Variants in GSE1 observed in about 807,000 individuals in gnomAD.
The protein encoded by GSE1 is Gse1 coiled-coil protein.
In GSE1, 32 loss-of-function variants were observed where a neutral mutation model predicts 112.6. The observed-to-expected ratio is 0.28, with a 90% CI of 0.21 to 0.38. The LOEUF (loss-of-function observed/expected upper bound fraction) is 0.38. Ranked by LOEUF, GSE1 falls within the 10% of genes least tolerant of loss-of-function variation. GSE1 has a pLI of 1.00. For synonymous variants in GSE1, 1,115 were observed against 735.6 expected (o/e 1.52, Z -8.35); for missense variants, 2,348 against 1,699.2 (o/e 1.38, Z -6.71).
upstream of GSE1, among the ~76,000 whole-genome samples, chr16:85,606,575 G>A (rs1236782041): frequency 3.3e-5 from 5 of 152,216 alleles, no homozygotes; most frequent in Non-Finnish European, 7.3e-5. Flanking sequence ...ACTGGGTCCT[G>A]GAGCTTCTGG....
Position 85,657,598 on chromosome 16 carries a change from C to A in GSE1, c.1634C>A (p.Thr545Asn). 1 of 1,517,996 alleles carries A rather than the reference C, an allele frequency of 6.6e-7. No individual in the cohort carries two copies. Among genetic ancestry groups the A allele is most frequent in the Non-Finnish European group, 8.8e-7 (1 of 1,133,770 alleles). The allele number at this position is 1,517,996 out of a possible 1,614,324, so 94.0% of individuals were successfully genotyped here. The stretch of plus-strand genomic sequence containing the variant: ...GAGGCAGAGCACAGGCCGGAGAGCA[C>A]CACCAGGTGAGTGAGCCCCAGGAAG... ...PAEAEHRPESTTRPGPNRHEP... is the reference protein window; with the variant it reads ...PAEAEHRPESNTRPGPNRHEP... The change falls in exon 8 of 16, where the codon ACC (threonine) becomes AAC (asparagine). Residue 545 changes from threonine to asparagine, a missense_variant. Coordinates refer to ENST00000253458, the MANE Select transcript of GSE1 (RefSeq NM_014615.5).
chr16:85,498,252 A>G (rs1409362454), intron 2 of GSE1, among the ~76,000 whole-genome samples: 3 of 152,170 alleles, frequency 2.0e-5, no homozygotes, highest in Non-Finnish European at 4.4e-5. Flanking sequence ...GGGTGTCCTC[A>G]GTGAGTCCCC....
At chr16:85,589,815 A>T (rs7189688) in intron 1 of GSE1, among the ~76,000 whole-genome samples, 4,811 of 144,974 alleles carry the variant, frequency 0.033, 246 homozygotes, top group African/African-American at 0.13. Flanking sequence ...TGTGAATGTG[A>T]GTGTGAATAT....
chr16:85,293,329 T>C (rs1333867343), intron 1 of GSE1, among the ~76,000 whole-genome samples: 2 of 152,120 alleles, frequency 1.3e-5, no homozygotes, highest in African/African-American at 4.8e-5. Flanking sequence ...GTGCATCACT[T>C]GAACTCAGGA....
intron 2 of GSE1, among the ~76,000 whole-genome samples, chr16:85,358,454 C>T (rs900964499): frequency 1.3e-5 from 2 of 152,190 alleles, no homozygotes; most frequent in Admixed American, 6.5e-5. Flanking sequence ...CCCCACAGCA[C>T]GGGAGACTTG....
At chr16:85,285,682 CAA>C (rs36070534) in intron 1 of GSE1, 1,277 of 69,796 alleles carry the variant, frequency 0.018, 8 homozygotes, top group Middle Eastern at 0.095. Context: ...AACTCTGTCT[CAA>C]AAAAAAAAAA....
At chr16:85,640,543 C>G (rs2050356129) in intron 2 of GSE1, among the ~76,000 whole-genome samples, 2 of 152,174 alleles carry the variant, frequency 1.3e-5, no homozygotes, top group South Asian at 4.1e-4. Flanking sequence ...CGGTTACTGT[C>G]CTGTCCCTGG....
intron 1 of GSE1, among the ~76,000 whole-genome samples, chr16:85,195,673 C>T (rs1466045006): frequency 1.3e-5 from 2 of 152,196 alleles, no homozygotes; most frequent in Non-Finnish European, 2.9e-5. Flanking sequence ...ATGACCACTG[C>T]AGCGTCTTGT....
chr16:85,641,266 C>T (rs2050422989), intron 2 of GSE1, among the ~76,000 whole-genome samples: 1 of 152,258 alleles, frequency 6.6e-6, no homozygotes, highest in Non-Finnish European at 1.5e-5. Flanking sequence ...CATCCGGCTC[C>T]CAGGGTCCAG....
chr16:85,282,287 A>G (rs998662709), intron 1 of GSE1, among the ~76,000 whole-genome samples: 5 of 152,054 alleles, frequency 3.3e-5, no homozygotes, highest in Non-Finnish European at 5.9e-5. Context: ...CGGTCTCCCA[A>G]AGTGCTGGGA....
At chr16:85,212,907 C>G (rs1397009454) in intron 1 of GSE1, among the ~76,000 whole-genome samples, 1 of 152,142 alleles carries the variant, frequency 6.6e-6, no homozygotes, top group African/African-American at 2.4e-5. Flanking sequence ...GCGGGAAGAT[C>G]GCTCGAGCCC....
chr16:85,356,291 G>A (rs943255150), intron 1 of GSE1, among the ~76,000 whole-genome samples: 7 of 152,244 alleles, frequency 4.6e-5, no homozygotes, highest in African/African-American at 1.7e-4. Context: ...GGAGAGGCAC[G>A]TTTTGCAGTT....
intron 2 of GSE1, among the ~76,000 whole-genome samples, chr16:85,414,528 A>C (rs911343725): frequency 5.3e-5 from 8 of 152,056 alleles, no homozygotes; most frequent in African/African-American, 1.7e-4. Flanking sequence ...GGGTCCCAAC[A>C]CCCACGCTCA....
At chr16:85,424,759 T>C (rs2054705) in intron 2 of GSE1, among the ~76,000 whole-genome samples, 97,523 of 152,244 alleles carry the variant, frequency 0.64, 33,631 homozygotes, top group Non-Finnish European at 0.77. Context: ...CCAGATGCTC[T>C]GCGCCATGGC....
At chr16:85,527,180 C>T (rs1247590005) in intron 2 of GSE1, among the ~76,000 whole-genome samples, 6 of 152,218 alleles carry the variant, frequency 3.9e-5, no homozygotes. Flanking sequence ...TGTCATGCTT[C>T]CCCCTCGTGA....
intron 2 of GSE1, among the ~76,000 whole-genome samples, chr16:85,527,546 A>C (rs1056576091): frequency 2.6e-5 from 4 of 152,212 alleles, no homozygotes; most frequent in Non-Finnish European, 5.9e-5. Context: ...TGTGCTGGGG[A>C]GGCGGTTACT....
intron 1 of GSE1, among the ~76,000 whole-genome samples, chr16:85,267,610 C>T (rs903310808): frequency 1.3e-5 from 2 of 152,184 alleles, no homozygotes; most frequent in African/African-American, 4.8e-5. Context: ...TTTTATTGAG[C>T]ACCTGCTATG....
At chr16:85,495,163 C>G (rs1321445865) in intron 2 of GSE1, among the ~76,000 whole-genome samples, 1 of 152,172 alleles carries the variant, frequency 6.6e-6, no homozygotes, top group Non-Finnish European at 1.5e-5. Context: ...GAGAGAAAAG[C>G]TCAGGATGGC....
At chr16:85,389,002 C>T (rs1414774787) in intron 2 of GSE1, among the ~76,000 whole-genome samples, 1 of 152,122 alleles carries the variant, frequency 6.6e-6, no homozygotes, top group Non-Finnish European at 1.5e-5. Context: ...AGAAATGTTC[C>T]ACGATGTTGA....
Sources: allele counts gnomAD v4.1 joint callset (sites outside exome capture counted in the v4.1 genomes callset), GRCh38; gene constraint gnomAD v4.1.1; transcripts MANE v1.5; gene names NCBI Gene and HGNC (gene_info 2026-07-23, HGNC 2026-07-21).